Variants in GRID1 observed in about 807,000 individuals in gnomAD.
The protein encoded by GRID1 is glutamate ionotropic receptor delta type subunit 1.
GRID1 carries 28 observed loss-of-function variants against 98.0 expected under a neutral mutation model. That is an observed-to-expected ratio of 0.29 (90% CI 0.21 to 0.39). GRID1 has a LOEUF of 0.39. Among genes scored for constraint, GRID1 ranks in the 10% least tolerant of loss-of-function variants. The probability of loss-of-function intolerance (pLI) is 1.00; values close to 1 mark genes in which losing one functional copy is unlikely to be tolerated. For missense variants in GRID1, 1,111 were observed against 1,340.5 expected (o/e 0.83, Z 2.67); for synonymous variants, 553 against 538.5 (o/e 1.03, Z -0.37).
At chr10:85,973,759 A>C (rs1467514728) in intron 4 of GRID1, among the ~76,000 whole-genome samples, 1 of 152,238 alleles carries the variant, frequency 6.6e-6, no homozygotes, top group Non-Finnish European at 1.5e-5. Context: ...TTTAACCAAA[A>C]GACTACAGCA....
At chr10:86,052,152 G>A (rs986539183) in intron 4 of GRID1, among the ~76,000 whole-genome samples, 5 of 151,932 alleles carry the variant, frequency 3.3e-5, no homozygotes, top group East Asian at 3.9e-4. Context: ...CTCTTAAGAC[G>A]TGCTATGGAA....
intron 8 of GRID1, among the ~76,000 whole-genome samples, chr10:85,760,401 G>A (rs1002751464): frequency 2.0e-5 from 3 of 152,156 alleles, no homozygotes; most frequent in African/African-American, 7.2e-5. Context: ...AGGTTGTTGG[G>A]AAAATTAGAT....
intron 5 of GRID1, among the ~76,000 whole-genome samples, chr10:85,906,247 A>G (rs908204632): frequency 1.4e-4 from 22 of 152,176 alleles, no homozygotes; most frequent in African/African-American, 5.3e-4. Context: ...AAGCTTCCAA[A>G]TATATTAAGC....
chr10:86,290,196 C>T (rs1042386764), intron 2 of GRID1, among the ~76,000 whole-genome samples: 1 of 152,206 alleles, frequency 6.6e-6, no homozygotes, highest in African/African-American at 2.4e-5. Context: ...AATAAGTGGA[C>T]TCAATTATAG....
chr10:85,784,680 C>T (rs1842409943), intron 8 of GRID1, among the ~76,000 whole-genome samples: 2 of 152,170 alleles, frequency 1.3e-5, no homozygotes, highest in Non-Finnish European at 2.9e-5. Context: ...CACAGTACAG[C>T]AAGGAGCCCA....
intron 12 of GRID1, among the ~76,000 whole-genome samples, chr10:85,650,853 C>G (rs1374743478): frequency 6.6e-6 from 1 of 152,210 alleles, no homozygotes; most frequent in Non-Finnish European, 1.5e-5. Context: ...CAATTCACAT[C>G]AGCCAAAAAT....
intron 8 of GRID1, among the ~76,000 whole-genome samples, chr10:85,733,352 T>G (rs915935358): frequency 4.6e-5 from 7 of 152,166 alleles, no homozygotes; most frequent in Non-Finnish European, 7.3e-5. Context: ...CATTCCCATC[T>G]CAGGATCTCC....
chr10:85,969,961 A>C (rs943632064), intron 4 of GRID1, among the ~76,000 whole-genome samples: 1 of 152,026 alleles, frequency 6.6e-6, no homozygotes, highest in Non-Finnish European at 1.5e-5. Flanking sequence ...TTATCAATTA[A>C]AAATTATAGA....
At chr10:85,775,227 CA>C (rs1207129729) in intron 8 of GRID1, among the ~76,000 whole-genome samples, 1 of 148,068 alleles carries the variant, frequency 6.8e-6, no homozygotes, top group Non-Finnish European at 1.5e-5. Flanking sequence ...ATCACAAGAA[CA>C]AAAAACCAAA....
intron 2 of GRID1, among the ~76,000 whole-genome samples, chr10:86,312,352 G>A (rs1342288650): frequency 6.6e-6 from 1 of 152,192 alleles, no homozygotes; most frequent in Non-Finnish European, 1.5e-5. Flanking sequence ...TTTCTTTGCT[G>A]GAGCTAATGA....
At position 86,222,832 on chromosome 10, in the gene GRID1, CACA is replaced by C. The variant is rs529309347; in HGVS notation, c.236-16187_236-16185del. On this transcript the variant is annotated intron_variant, in intron 2 of 15. Coordinates refer to ENST00000327946, the MANE Select transcript of GRID1 (RefSeq NM_017551.3). ...GGGGGCAGGGCACCCCCTTCCTCACCACAACACCAAGCCACAAGGGCACTAGGG... is the reference window on the plus strand; with the variant it reads ...GGGGGCAGGGCACCCCCTTCCTCACCACACCAAGCCACAAGGGCACTAGGG... 4.0e-3 allele frequency among the ~76,000 whole-genome samples: 610 copies of C among 152,274 alleles called. 5 individuals carry two copies. The highest frequency in any genetic ancestry group is 0.014 in the African/African-American group (596 of 41,562).
intron 5 of GRID1, among the ~76,000 whole-genome samples, chr10:85,913,200 C>A (rs890817236): frequency 6.6e-6 from 1 of 152,154 alleles, no homozygotes; most frequent in Non-Finnish European, 1.5e-5. Context: ...GCATACCTGA[C>A]CCCCACTGAC....
chr10:85,613,371 G>T (rs1331979204), intron 15 of GRID1, 36 bp downstream of exon 15: 1 of 1,591,518 alleles, frequency 6.3e-7, no homozygotes, highest in African/African-American at 1.3e-5. Flanking sequence ...CCTGCCTCTA[G>T]GCTGTGAAAG....
chr10:86,190,179 T>C (rs568417122), intron 3 of GRID1, among the ~76,000 whole-genome samples: 8 of 152,234 alleles, frequency 5.3e-5, no homozygotes, highest in African/African-American at 1.9e-4. Context: ...ACTATGTGAG[T>C]GGGACACATG....
In GRID1 at chr10:85,977,972, T is replaced by A. The variant is rs530370271; in HGVS notation, c.727-61733A>T. 2.0e-3 allele frequency among the ~76,000 whole-genome samples: 304 copies of A among 152,272 alleles called. 1 individual carries two copies. The highest frequency in any genetic ancestry group is 3.3e-3 in the Non-Finnish European group (226 of 68,034). On this transcript the variant is annotated intron_variant, in intron 4 of 15. Transcript: ENST00000327946. ...CACAGACGCCACTCCAGGGCCCACA[T>A]GAGAGTGCCGAGGTCAATTGGGCCA...
intron 9 of GRID1, among the ~76,000 whole-genome samples, 154 bp from the exon 10 acceptor site, chr10:85,728,206 G>A: frequency 6.6e-6 from 1 of 152,182 alleles, no homozygotes; most frequent in Non-Finnish European, 1.5e-5. Flanking sequence ...TCTAAAAGCA[G>A]TTTATGGACA....
intron 3 of GRID1, among the ~76,000 whole-genome samples, chr10:86,154,822 C>T (rs1218007164): frequency 1.3e-5 from 2 of 152,140 alleles, no homozygotes; most frequent in African/African-American, 4.8e-5. Context: ...CACCTCTGCT[C>T]GCTGCCACCT....
Position 85,884,621 on chromosome 10 carries a change from C to A in GRID1, c.781-15441G>T, listed in dbSNP as rs191499175. 2.6e-3 allele frequency among the ~76,000 whole-genome samples: 392 copies of A among 152,274 alleles called. 1 individual carries two copies. The highest frequency in any genetic ancestry group is 4.3e-3 in the Non-Finnish European group (294 of 68,004). On this transcript the variant is annotated intron_variant, in intron 5 of 15. Transcript: ENST00000327946. ...GCTTCAGAAATATATCCCTAAATTT[C>A]TGTTACTTCCTCTCCTACAATCTAA... is the stretch of plus-strand genomic sequence containing the variant.
intron 8 of GRID1, among the ~76,000 whole-genome samples, chr10:85,798,989 T>TA (rs2132750329): frequency 6.6e-6 from 1 of 152,312 alleles, no homozygotes; most frequent in South Asian, 2.1e-4. Flanking sequence ...TTTGGGGGTC[T>TA]AACATTTTAG....
Sources: gnomAD v4.1 joint callset for allele counts (sites outside exome capture counted in the v4.1 genomes callset) on GRCh38, gnomAD v4.1.1 for gene constraint, MANE v1.5 for transcripts, NCBI Gene and HGNC (gene_info 2026-07-23, HGNC 2026-07-21) for gene names.